Variants in SMIM14 observed in about 807,000 individuals in gnomAD.
SMIM14 encodes small integral membrane protein 14.
A neutral mutation model predicts 12.6 loss-of-function variants in SMIM14; 5 were observed. The observed-to-expected ratio is 0.40, with a 90% CI of 0.21 to 0.83. The LOEUF is 0.83. Ranked by LOEUF, SMIM14 falls within the 40% of genes least tolerant of loss-of-function variation. The pLI, the probability that SMIM14 is intolerant of heterozygous loss-of-function variation, is 0.37. For synonymous variants in SMIM14, 30 were observed against 40.1 expected, an observed-to-expected ratio of 0.75 and a Z score of 0.95; for missense variants, 86 against 119.1, an observed-to-expected ratio of 0.72 and a Z score of 1.29.
At chr4:39,599,217 T>C (rs1433028339) in intron 2 of SMIM14, among the ~76,000 whole-genome samples, 7 of 152,156 alleles carry the variant, frequency 4.6e-5, no homozygotes, top group African/African-American at 9.7e-5. Context: ...TGACCCTTAG[T>C]GTGTGACCTG....
intron 2 of SMIM14, among the ~76,000 whole-genome samples, chr4:39,604,295 G>T (rs1714723531): frequency 1.3e-5 from 2 of 152,038 alleles, no homozygotes; most frequent in African/African-American, 4.8e-5. Context: ...CCAGCACTTT[G>T]GGGGGCTAAG....
chr4:39,638,748 C>A lies in SMIM14; in HGVS notation c.-45G>T. ...AGGGGGAGACACTCACCCGCCCAGA[C>A]AACAACCGATGGGGCGGGGAGGATG... On this transcript the variant is annotated 5_prime_UTR_variant, in exon 1 of 5. Coordinates refer to ENST00000295958, the MANE Select transcript of SMIM14 (RefSeq NM_174921.3). 1.0e-6 allele frequency: 1 copy of A among 985,470 alleles called. No homozygotes were observed. The highest frequency in any genetic ancestry group is 1.2e-6 in the Non-Finnish European group (1 of 829,990). 61.0% of individuals were successfully genotyped at this position (985,470 alleles called of 1,614,324 possible). A position where few individuals can be genotyped will look rare whatever the true frequency, so the allele number is the denominator to read the frequency against.
intron 2 of SMIM14, among the ~76,000 whole-genome samples, chr4:39,590,449 A>T (rs576724979): frequency 6.6e-6 from 1 of 151,118 alleles, no homozygotes; most frequent in Admixed American, 6.6e-5. Flanking sequence ...TTAGACGGGG[A>T]TTTTGTGTAG....
intron 1 of SMIM14, among the ~76,000 whole-genome samples, chr4:39,608,159 T>G (rs1367599365): frequency 6.6e-6 from 1 of 152,182 alleles, no homozygotes; most frequent in Non-Finnish European, 1.5e-5. Context: ...CTCATAGGTA[T>G]ATACCTAAGA....
intron 1 of SMIM14, among the ~76,000 whole-genome samples, chr4:39,612,388 G>A (rs1715068524): frequency 1.3e-5 from 2 of 151,988 alleles, no homozygotes; most frequent in Admixed American, 6.6e-5. Flanking sequence ...CCAAGTAGCT[G>A]GGATTACACA....
intron 1 of SMIM14, among the ~76,000 whole-genome samples, chr4:39,616,811 C>T (rs933909588): frequency 6.6e-6 from 1 of 152,094 alleles, no homozygotes; most frequent in Non-Finnish European, 1.5e-5. Flanking sequence ...CTCTCTCCTT[C>T]AAAAAGGTTA....
chr4:39,619,754 TTA>T (rs537905855), intron 1 of SMIM14, among the ~76,000 whole-genome samples: 3,771 of 135,328 alleles, frequency 0.028, 308 homozygotes, highest in African/African-American at 0.1. Flanking sequence ...ATATAATTTA[TTA>T]TATATATATC....
At chr4:39,562,380 C>G (rs1191537410) in intron 3 of SMIM14, among the ~76,000 whole-genome samples, 1 of 149,902 alleles carries the variant, frequency 6.7e-6, no homozygotes, top group Non-Finnish European at 1.5e-5. Context: ...CTGTCTCAAC[C>G]CCCAAACAAA....
chr4:39,574,402 G>A (rs1312009847), intron 2 of SMIM14, among the ~76,000 whole-genome samples: 4 of 152,004 alleles, frequency 2.6e-5, no homozygotes, highest in Admixed American at 2.0e-4. Flanking sequence ...CACCATGCCC[G>A]TCTAATTTCT....
chr4:39,629,360 C>CAA (rs11459763), intron 1 of SMIM14, among the ~76,000 whole-genome samples: 23,575 of 80,030 alleles, frequency 0.29, 3,738 homozygotes, highest in East Asian at 0.59. Flanking sequence ...GACTCTGTCT[C>CAA]AAAAAAAAAA....
chr4:39,567,605 C>T (rs1006804294), intron 3 of SMIM14, among the ~76,000 whole-genome samples: 1 of 151,846 alleles, frequency 6.6e-6, no homozygotes, highest in Non-Finnish European at 1.5e-5. Context: ...GGTGTGGTGG[C>T]AGGCGCCTAT....
At position 39,630,384 on chromosome 4, in the gene SMIM14, T is replaced by C. The variant is rs1242863056; in HGVS notation, c.-36+8355A>G. Among the ~76,000 whole-genome samples the C allele has an allele frequency of 1.5e-4, 23 of 152,074 alleles. 1 individual carries two copies. The highest frequency in any genetic ancestry group is 1.5e-3 in the Admixed American group (23 of 15,262). On this transcript the variant is annotated intron_variant, in intron 1 of 4. Coordinates refer to ENST00000295958, the MANE Select transcript of SMIM14 (RefSeq NM_174921.3). Reference sequence around the variant, plus strand: ...TCACACCACTGCACTCCAACCTGTGTGACAGAGACCCTGTTTCTAATTAAA... The same window carrying C: ...TCACACCACTGCACTCCAACCTGTGCGACAGAGACCCTGTTTCTAATTAAA...
rs147220891 is a variant in SMIM14, at chr4:39,611,572, G to A, written c.-35-6392C>T. ...ACCTGTAATCCTAGCTACTCAGGAG[G>A]CTGACACAGGAGAATCGCTTGAACC... On this transcript the variant is annotated intron_variant, in intron 1 of 4. Transcript: ENST00000295958. Among the ~76,000 whole-genome samples the A allele has an allele frequency of 2.1e-4, 32 of 151,958 alleles. No individual in the cohort carries two copies. The East Asian group carries it at 4.8e-3, about 23-fold the overall frequency.
intron 2 of SMIM14, among the ~76,000 whole-genome samples, chr4:39,575,473 AAC>A (rs1053852777): frequency 4.0e-5 from 6 of 150,614 alleles, no homozygotes; most frequent in Admixed American, 1.3e-4. Flanking sequence ...TGCGATTACA[AAC>A]AGTCATGAGC....
chr4:39,608,895 GGGGGCT>G (rs2110062184), intron 1 of SMIM14, among the ~76,000 whole-genome samples: 1 of 152,244 alleles, frequency 6.6e-6, no homozygotes, highest in Non-Finnish European at 1.5e-5. Context: ...GATCTTTCAG[GGGGGCT>G]GAAAAAACTG....
Position 39,547,563 on chromosome 4 carries a change from A to G in SMIM14, c.*4563T>C, listed in dbSNP as rs1020836292. 6.6e-6 allele frequency: 1 copy of G among 152,220 alleles called. No individual in the cohort carries two copies. The highest frequency in any genetic ancestry group is 6.5e-5 in the Admixed American group (1 of 15,284). The allele number at this position is 152,220 out of a possible 1,614,324, so 9.4% of individuals were successfully genotyped here. On this transcript the variant is annotated 3_prime_UTR_variant, in exon 5 of 5. Transcript: ENST00000295958. ...ATATTATAAGAAGACTAAACTTACTATTGCAACAACAAAAATTTAACCCAT... is the reference window on the plus strand; with the variant it reads ...ATATTATAAGAAGACTAAACTTACTGTTGCAACAACAAAAATTTAACCCAT...
chr4:39,560,945 T>C (rs1184882218), intron 3 of SMIM14, among the ~76,000 whole-genome samples: 1 of 152,138 alleles, frequency 6.6e-6, no homozygotes, highest in African/African-American at 2.4e-5. Context: ...CATAACCTCT[T>C]ATCTGGTCTA....
intron 1 of SMIM14, chr4:39,638,474 T>G: frequency 2.0e-6 from 2 of 985,430 alleles, no homozygotes; most frequent in Non-Finnish European, 2.4e-6. Context: ...CGTGGCTACC[T>G]TGCCCTTGCC....
In SMIM14 at chr4:39,572,358, T is replaced by C. The variant is rs1712939761; in HGVS notation, c.124+57A>G. ...AAATTCTGACAAATATTCACAGGCA[T>C]CTGGCCTCTAATTCTGCCCCCAATG... On this transcript the variant is annotated intron_variant, in intron 3 of 4. Coordinates refer to ENST00000295958, the MANE Select transcript of SMIM14 (RefSeq NM_174921.3). The C allele has an allele frequency of 5.0e-5, 46 of 920,032 alleles. 2 individuals are homozygous for C. The South Asian group carries it at 6.4e-4, about 13-fold the overall frequency. The allele number at this position is 920,032 out of a possible 1,614,324, so 57.0% of individuals were successfully genotyped here.
Sources: gnomAD v4.1 joint callset for allele counts (sites outside exome capture counted in the v4.1 genomes callset) on GRCh38, gnomAD v4.1.1 for gene constraint, MANE v1.5 for transcripts, NCBI Gene and HGNC (gene_info 2026-07-23, HGNC 2026-07-21) for gene names.